Variants in PC observed in about 807,000 individuals in gnomAD.
PC encodes the protein pyruvate carboxylase, mitochondrial.
PC carries 46 observed loss-of-function variants against 107.8 expected under a neutral mutation model. The observed-to-expected ratio is 0.43, with a 90% CI of 0.34 to 0.55. PC has a LOEUF of 0.55. Among genes scored for constraint, PC ranks in the 20% least tolerant of loss-of-function variants. The pLI, the probability that PC is intolerant of heterozygous loss-of-function variation, is 0.04. For synonymous variants in PC, 662 were observed against 684.7 expected (o/e 0.97, Z 0.52); for missense variants, 1,241 against 1,643.1 (o/e 0.76, Z 4.23).
At chr11:66,873,960 T>G (rs1022137041) in intron 3 of PC, among the ~76,000 whole-genome samples, 19 of 150,564 alleles carry the variant, frequency 1.3e-4, no homozygotes, top group African/African-American at 4.7e-4. Flanking sequence ...GTTTCTTTTC[T>G]TTTTTCTTTT....
At position 66,853,326 on chromosome 11, in the gene PC, C is replaced by T; in HGVS notation, c.1426G>A (p.Val476Met). Residue 476 changes from valine to methionine, a missense_variant, in exon 13 of 23, where the codon GTG (valine) becomes ATG (methionine). Around this residue, in one of 2 missense-constraint regions of PC, gnomAD observed 1,143 missense variants for 1,551.9 expected, o/e 0.74. Transcript: ENST00000393960. ...LNNQQFLAGT[V>M]DTQFIDENPE... is the part of the protein sequence containing the mutation. ...TTCTCGTCGATGAACTGGGTGTCCA[C>T]AGTGCCTGCCAGGAACTGCTGGTTG... 6.2e-7 allele frequency: 1 copy of T among 1,614,122 alleles called. No individual in the cohort carries two copies. Among genetic ancestry groups the T allele is most frequent in the South Asian group, 1.1e-5 (1 of 91,084 alleles).
chr11:66,957,348 G>A (rs1261590992), intron 1 of PC, among the ~76,000 whole-genome samples: 2 of 152,214 alleles, frequency 1.3e-5, no homozygotes, highest in East Asian at 1.9e-4. Context: ...AATTTCAGAC[G>A]AGGCACGCCT....
At chr11:66,936,257 A>AC (rs1473589845) in intron 3 of PC, among the ~76,000 whole-genome samples, 9 of 151,200 alleles carry the variant, frequency 6.0e-5, no homozygotes, top group African/African-American at 2.0e-4. Context: ...ACACACACAC[A>AC]AAAAAAAGGT....
At chr11:66,882,755 G>A (rs1591218422) in intron 3 of PC, among the ~76,000 whole-genome samples, 4 of 152,262 alleles carry the variant, frequency 2.6e-5, no homozygotes, top group South Asian at 4.1e-4. Flanking sequence ...CAGCTCTGAC[G>A]GATGGGGCCG....
intron 3 of PC, among the ~76,000 whole-genome samples, chr11:66,876,719 G>A (rs967330504): frequency 2.0e-5 from 3 of 152,194 alleles, no homozygotes; most frequent in African/African-American, 7.2e-5. Context: ...GGGAGCAGGC[G>A]GCACTGGCAT....
chr11:66,908,672 T>C (rs1296811357), intron 3 of PC, among the ~76,000 whole-genome samples: 1 of 152,084 alleles, frequency 6.6e-6, no homozygotes. Context: ...CCGAGGCTAA[T>C]TGGTCGGAGG....
chr11:66,890,735 C>T (rs1947545304), intron 3 of PC, among the ~76,000 whole-genome samples: 4 of 151,808 alleles, frequency 2.6e-5, no homozygotes, highest in Admixed American at 2.0e-4. Flanking sequence ...CCACTCCCAA[C>T]CTCAGGCGAT....
At chr11:66,906,770 TCTC>T (rs1948178868) in intron 3 of PC, among the ~76,000 whole-genome samples, 1 of 152,154 alleles carries the variant, frequency 6.6e-6, no homozygotes, top group African/African-American at 2.4e-5. Flanking sequence ...CTGATCAGTT[TCTC>T]CTCCTCCTAA....
In PC at chr11:66,871,803, C is replaced by T; in HGVS notation, c.205G>A (p.Glu69Lys). The T allele has an allele frequency of 6.2e-7, 1 of 1,608,720 alleles. No homozygotes were observed. Among genetic ancestry groups the T allele is most frequent in the East Asian group, 2.2e-5 (1 of 44,806 alleles). ...CGGTGCATCTGGCCCGTGTCCTGCT[C>T]AGAGTAGATGGCTACGGTGCGGATG... ...LGIRTVAIYS[E>K]QDTGQMHRQK... is the part of the protein sequence containing the mutation. The change falls in exon 5 of 23, where the codon GAG becomes AAG. Residue 69 changes from glutamate to lysine, a missense_variant. By Grantham distance (56) the Glu-to-Lys change is moderately conservative. This residue lies in a region of PC where 1,143 missense variants were observed against 1,551.9 expected (regional missense o/e 0.74). Coordinates refer to ENST00000393960, the MANE Select transcript of PC (RefSeq NM_001040716.2). The surrounding 1 kb of genome is among the most constrained non-coding windows in gnomAD (Gnocchi z 7.4).
chr11:66,919,671 T>C (rs1180226887), intron 3 of PC: 1 of 152,120 alleles, frequency 6.6e-6, no homozygotes, highest in Non-Finnish European at 1.5e-5. Flanking sequence ...GGGAGAGGGA[T>C]CTAAGTCACT....
chr11:66,849,320 G>A lies in PC; in HGVS notation c.3198C>T (p.Ser1066=), dbSNP rs144087445. 3.2e-4 allele frequency: 511 copies of A among 1,613,404 alleles called. 1 individual carries two copies. Among genetic ancestry groups the A allele is most frequent in the Non-Finnish European group, 7.6e-5 (90 of 1,180,032 alleles). The change falls in exon 22 of 23, where the codon AGC becomes AGT. Residue 1066 remains serine (S), a synonymous_variant. Coordinates refer to ENST00000393960, the MANE Select transcript of PC (RefSeq NM_001040716.2). ...GCCTCTGGCCGGCCCGGTTCAGGTC[G>A]CTCACGGCCAGGGCTTTGATGTGCA... is the stretch of plus-strand genomic sequence containing the variant. ...KTLHIKALAV[S]DLNRAGQRQV... is the part of the protein sequence containing the mutation.
At chr11:66,946,990 A>G (rs2136145440) in intron 3 of PC, among the ~76,000 whole-genome samples, 1 of 152,256 alleles carries the variant, frequency 6.6e-6, no homozygotes, top group East Asian at 1.9e-4. Context: ...GACTAACCAT[A>G]GCCAGTGTTG....
At chr11:66,859,223 A>G (rs916405814) in intron 12 of PC, 7 of 1,224,766 alleles carry the variant, frequency 5.7e-6, no homozygotes, top group Non-Finnish European at 7.6e-6. Flanking sequence ...TGGCTGCTGG[A>G]CTCTTGGAGG....
chr11:66,858,163 T>G lies in PC; in HGVS notation c.1369-4780A>C. On this transcript the variant is annotated intron_variant, in intron 12 of 22. Transcript: ENST00000393960. This position sits in a 1 kb window ranked among gnomAD's most constrained non-coding sequence, Gnocchi z 5.9. ...CTGGGCCGCATCGCGCCGGGAGCCT[T>G]CGACGACTTCCTAGAGAGCCTGGAG... 6.2e-7 allele frequency: 1 copy of G among 1,610,844 alleles called. No individual in the cohort carries two copies. The highest frequency in any genetic ancestry group is 8.5e-7 in the Non-Finnish European group (1 of 1,178,848).
At position 66,858,286 on chromosome 11, in the gene PC, T is replaced by C; in HGVS notation, c.1369-4903A>G. The C allele has an allele frequency of 6.2e-7, 1 of 1,611,744 alleles. No homozygotes were observed. Among genetic ancestry groups the C allele is most frequent in the South Asian group, 1.1e-5 (1 of 91,088 alleles). On this transcript the variant is annotated intron_variant, in intron 12 of 22. Transcript: ENST00000393960. The surrounding 1 kb of genome is among the most constrained non-coding windows in gnomAD (Gnocchi z 5.9). ...ACCCTCAACCTGGACCATAACCTTA[T>C]TGACGCACTGCCCCCAGGCGCCTTC...
rs761189138 is a variant in PC at position 66,851,082 on chromosome 11, G to A, written c.2181C>T (p.Ala727=). 5.6e-6 allele frequency: 9 copies of A among 1,613,094 alleles called. No homozygotes were observed. The highest frequency in any genetic ancestry group is 2.7e-5 in the African/African-American group (2 of 74,936). The change falls in exon 17 of 23, where the codon GCC becomes GCT. Residue 727 remains alanine (A), a synonymous_variant. Transcript: ENST00000393960. The part of the protein sequence containing the change: ...KYSLQYYMGL[A]EELVRAGTHI... ...GGGTGCCAGCTCGCACCAGCTCTTC[G>A]GCCAAGCCCATGTAGTACTGCAGTG...
Position 66,859,938 on chromosome 11 carries a change from C to G in PC, c.1368+3836G>C, listed in dbSNP as rs368508310. The G allele has an allele frequency of 3.8e-6, 6 of 1,594,054 alleles. No homozygotes were observed. Among genetic ancestry groups the G allele is most frequent in the Non-Finnish European group, 5.1e-6 (6 of 1,170,642 alleles). On this transcript the variant is annotated intron_variant, in intron 12 of 22. Coordinates refer to ENST00000393960, the MANE Select transcript of PC (RefSeq NM_001040716.2). ...GGGGGCCGGAAATGGCCGCCTCCCC[C>G]TCAAGCTCAGCCACGTCCAGTCCCA...
Position 66,860,133 on chromosome 11 carries a change from C to G in PC, c.1368+3641G>C. ...GAGCCACTCTGTGCATGGGGGGCTG[C>G]TCGGGGCAGGGTGCCGGGGGGTAGG... On this transcript the variant is annotated intron_variant, in intron 12 of 22. Coordinates refer to ENST00000393960, the MANE Select transcript of PC (RefSeq NM_001040716.2). 6.5e-7 allele frequency: 1 copy of G among 1,549,912 alleles called. No homozygotes were observed.
At chr11:66,860,327 G>A (rs1946182493) in intron 12 of PC, 1 of 1,333,600 alleles carries the variant, frequency 7.5e-7, no homozygotes. Context: ...GTACTTGGAG[G>A]GGCAGGGAGC....
Sources: allele counts gnomAD v4.1 joint callset (sites outside exome capture counted in the v4.1 genomes callset), GRCh38; gene constraint gnomAD v4.1.1; regional missense constraint gnomAD v4.1.1; non-coding constraint Gnocchi (gnomAD v3.1); transcripts MANE v1.5; gene names NCBI Gene and HGNC (gene_info 2026-07-23, HGNC 2026-07-21).